The following PCDH7 variants were observed in gnomAD, a reference collection of about 807,000 sequenced individuals.
PCDH7 encodes protocadherin 7, also known as protocadherin-7.
Under a neutral mutation model 58.9 loss-of-function variants are expected in PCDH7, and 17 were observed. The ratio of observed to expected loss-of-function variants is 0.29; its 90% CI spans 0.20 to 0.43. The LOEUF (loss-of-function observed/expected upper bound fraction) is 0.43. Among genes scored for constraint, PCDH7 ranks in the 20% least tolerant of loss-of-function variants. The pLI is 1.00. For synonymous variants in PCDH7, 664 were observed against 616.4 expected, an observed-to-expected ratio of 1.08 and a Z score of -1.14; for missense variants, 1,274 against 1,441.0, an observed-to-expected ratio of 0.88 and a Z score of 1.88.
chr4:30,990,663 G>C (rs943805683), intron 3 of PCDH7, among the ~76,000 whole-genome samples: 2 of 151,912 alleles, frequency 1.3e-5, no homozygotes, highest in African/African-American at 4.8e-5. Context: ...CTAGAGTTAG[G>C]GAATACTTTT....
At chr4:30,868,157 AC>A (rs1735108266) in intron 1 of PCDH7, among the ~76,000 whole-genome samples, 1 of 152,082 alleles carries the variant, frequency 6.6e-6, no homozygotes, top group Admixed American at 6.6e-5. Flanking sequence ...AATGATACCA[AC>A]TGTTATGAAT....
intron 1 of PCDH7, among the ~76,000 whole-genome samples, chr4:30,744,443 C>A (rs562398298): frequency 6.6e-6 from 1 of 152,268 alleles, no homozygotes; most frequent in South Asian, 2.1e-4. Context: ...ATTTACATGT[C>A]CAATGGGTGT....
At chr4:30,980,707 C>T (rs1750479504) in intron 3 of PCDH7, among the ~76,000 whole-genome samples, 1 of 152,112 alleles carries the variant, frequency 6.6e-6, no homozygotes, top group South Asian at 2.1e-4. Context: ...CAATTTCTGT[C>T]TTTTCAAAAA....
intron 1 of PCDH7, among the ~76,000 whole-genome samples, chr4:30,899,636 C>T (rs563504139): frequency 1.3e-5 from 2 of 152,332 alleles, no homozygotes; most frequent in African/African-American, 4.8e-5. Context: ...TTTCCGTTTA[C>T]TGTTCACTCC....
intron 3 of PCDH7, among the ~76,000 whole-genome samples, chr4:30,973,783 A>G (rs1179545544): frequency 6.6e-6 from 1 of 152,006 alleles, no homozygotes; most frequent in African/African-American, 2.4e-5. Flanking sequence ...ATTAGTTTCT[A>G]TTGTAATCTA....
chr4:30,871,023 CAAATG>C (rs1475710129), intron 1 of PCDH7, among the ~76,000 whole-genome samples: 9 of 152,006 alleles, frequency 5.9e-5, no homozygotes, highest in Non-Finnish European at 1.2e-4. Flanking sequence ...GCGCTGATGG[CAAATG>C]TTGTTTGAGT....
intron 3 of PCDH7, among the ~76,000 whole-genome samples, chr4:31,005,611 C>T (rs549274214): frequency 6.6e-6 from 1 of 152,192 alleles, no homozygotes; most frequent in African/African-American, 2.4e-5. Flanking sequence ...CTTTTTCTCC[C>T]TGTGCTTGTT....
intron 3 of PCDH7, among the ~76,000 whole-genome samples, chr4:31,033,820 G>A (rs757330520): frequency 6.6e-6 from 1 of 152,258 alleles, no homozygotes; most frequent in African/African-American, 2.4e-5. Context: ...TAGGCTGGGT[G>A]TGGTGGCTCA....
chr4:31,126,001 G>T (rs1718250302), intron 3 of PCDH7, among the ~76,000 whole-genome samples: 1 of 152,078 alleles, frequency 6.6e-6, no homozygotes, highest in Non-Finnish European at 1.5e-5. Flanking sequence ...ACCTAATTCT[G>T]CCACTCAGCA....
downstream of PCDH7, among the ~76,000 whole-genome samples, chr4:30,737,257 A>G (rs1425105753): frequency 6.6e-6 from 1 of 152,222 alleles, no homozygotes; most frequent in Non-Finnish European, 1.5e-5. Flanking sequence ...AACTTTTTGA[A>G]GCACTAAAGC....
At chr4:31,106,232 G>C (rs1049610844) in intron 3 of PCDH7, among the ~76,000 whole-genome samples, 1 of 151,950 alleles carries the variant, frequency 6.6e-6, no homozygotes, top group African/African-American at 2.4e-5. Flanking sequence ...CTTTCTTATT[G>C]ATCTTGTGTC....
intron 3 of PCDH7, among the ~76,000 whole-genome samples, chr4:30,968,916 C>T (rs1349797586): frequency 6.6e-6 from 1 of 152,192 alleles, no homozygotes; most frequent in Admixed American, 6.6e-5. Flanking sequence ...TTCTGGACAA[C>T]TCATTCATAC....
chr4:31,121,336 A>G (rs1363192320), intron 3 of PCDH7, among the ~76,000 whole-genome samples: 2 of 152,230 alleles, frequency 1.3e-5, no homozygotes, highest in Admixed American at 6.5e-5. Flanking sequence ...GAAGGAAGGA[A>G]GTGTAAGAAA....
intron 3 of PCDH7, among the ~76,000 whole-genome samples, chr4:31,127,777 TAA>T (rs1256597961): frequency 6.6e-6 from 1 of 152,044 alleles, no homozygotes; most frequent in East Asian, 1.9e-4. Flanking sequence ...AAATGACAGC[TAA>T]AAGTAAAATT....
At chr4:30,754,151 G>A (rs1718946513) in intron 1 of PCDH7, among the ~76,000 whole-genome samples, 1 of 146,054 alleles carries the variant, frequency 6.8e-6, no homozygotes, top group Non-Finnish European at 1.5e-5. Context: ...AAGATTTGCT[G>A]CAAACACTAG....
At chr4:30,764,933 A>T (rs2109272400) in intron 1 of PCDH7, among the ~76,000 whole-genome samples, 1 of 151,894 alleles carries the variant, frequency 6.6e-6, no homozygotes, top group African/African-American at 2.4e-5. Context: ...GTTGGTCAGG[A>T]TGGTCTCTAT....
At chr4:31,144,517 T>G (rs1161475716), downstream of PCDH7, 4 of 152,146 alleles carry the variant, frequency 2.6e-5, no homozygotes, top group Non-Finnish European at 4.4e-5. Context: ...CACTGAATGT[T>G]TGCAAGCTGG....
intron 1 of PCDH7, among the ~76,000 whole-genome samples, chr4:30,884,047 T>C (rs1737354257): frequency 6.6e-6 from 1 of 152,194 alleles, no homozygotes; most frequent in Admixed American, 6.5e-5. Flanking sequence ...GTTGCCCTAT[T>C]TTCTATTTAT....
chr4:30,895,990 A>G (rs1316765357), intron 1 of PCDH7, among the ~76,000 whole-genome samples: 2 of 152,200 alleles, frequency 1.3e-5, no homozygotes, highest in Non-Finnish European at 2.9e-5. Context: ...TTCAATGTCA[A>G]AGGTATTTGG....
Sources: gnomAD v4.1 joint callset for allele counts (sites outside exome capture counted in the v4.1 genomes callset) on GRCh38, gnomAD v4.1.1 for gene constraint, MANE v1.5 for transcripts, NCBI Gene and HGNC (gene_info 2026-07-23, HGNC 2026-07-21) for gene names.